The following EXD1 variants were observed in gnomAD, a reference collection of about 807,000 sequenced individuals.
EXD1 encodes piRNA biogenesis protein EXD1.
EXD1 carries 63 observed loss-of-function variants against 49.1 expected under a neutral mutation model. That is an observed-to-expected ratio of 1.28 (90% CI 1.05 to 1.58). EXD1 has a LOEUF of 1.58. Ranked by LOEUF, EXD1 falls within the 40% of genes most tolerant of loss-of-function variation. The pLI is 0.00. For synonymous variants in EXD1, 234 were observed against 239.2 expected (o/e 0.98, Z 0.20); for missense variants, 748 against 666.0 (o/e 1.12, Z -1.36).
chr15:41,230,138 C>T (rs904674281), intron 1 of EXD1, among the ~76,000 whole-genome samples: 4 of 143,302 alleles, frequency 2.8e-5, no homozygotes, highest in Admixed American at 1.5e-4. Context: ...GGCTGGAGAG[C>T]AATGCCGCGA....
At chr15:41,223,354 A>G (rs1471356366) in intron 2 of EXD1, among the ~76,000 whole-genome samples, 1 of 152,042 alleles carries the variant, frequency 6.6e-6, no homozygotes, top group Non-Finnish European at 1.5e-5. Flanking sequence ...CAGGAGGTCA[A>G]GGTTGCAATG....
chr15:41,212,195 G>C (rs915665030), intron 6 of EXD1, among the ~76,000 whole-genome samples: 1 of 151,908 alleles, frequency 6.6e-6, no homozygotes, highest in African/African-American at 2.4e-5. Flanking sequence ...CACGCCTGTA[G>C]TCCCAGCACT....
chr15:41,211,795 TAAA>T (rs57945609), intron 6 of EXD1, among the ~76,000 whole-genome samples: 3 of 119,604 alleles, frequency 2.5e-5, no homozygotes, highest in African/African-American at 6.8e-5. Context: ...CCTCATTTCT[TAAA>T]AAAAAAAAAA....
At chr15:41,228,120 A>G (rs967974247) in intron 1 of EXD1, among the ~76,000 whole-genome samples, 1 of 152,202 alleles carries the variant, frequency 6.6e-6, no homozygotes, top group African/African-American at 2.4e-5. Context: ...ATTTTTTAAA[A>G]GTTAATTTAG....
At chr15:41,207,934 C>CTG in intron 7 of EXD1, among the ~76,000 whole-genome samples, 1 of 151,138 alleles carries the variant, frequency 6.6e-6, no homozygotes, top group East Asian at 2.0e-4. Flanking sequence ...TTGCTTGAAC[C>CTG]TGGGAGGCGG....
chr15:41,202,321 A>G (rs2046745978), intron 7 of EXD1, among the ~76,000 whole-genome samples: 1 of 151,732 alleles, frequency 6.6e-6, no homozygotes, highest in Non-Finnish European at 1.5e-5. Context: ...ATTAATAGGC[A>G]CTTGCCACCA....
At position 41,226,569 on chromosome 15, in the gene EXD1, GGTCCATGCTA is replaced by G. The variant is rs1212018736; in HGVS notation, c.-4_6del. The G allele has an allele frequency of 2.6e-6, 4 of 1,535,152 alleles. No individual in the cohort carries two copies. In the African/African-American group the frequency reaches 5.5e-5, roughly 21 times the overall value. ...CTGAGGAAATGGTAGTCACTGCTGG[GGTCCATGCTA>G]ATTGATTCCAAAAGCCGTCTTCAAA... is the stretch of plus-strand genomic sequence containing the variant. On this transcript the variant is annotated start_lost and 5_prime_UTR_variant, in exon 2 of 12. Transcript: ENST00000458580.
intron 1 of EXD1, among the ~76,000 whole-genome samples, chr15:41,228,326 C>T (rs909461275): frequency 1.3e-5 from 2 of 152,168 alleles, no homozygotes; most frequent in African/African-American, 2.4e-5. Context: ...ATGTTACATA[C>T]AATTTTCGGT....
rs1337118076 is a variant in EXD1 at position 41,217,110 on chromosome 15, C to G, written c.247G>C (p.Ala83Pro). ...ATTCCTTCTTACCTAACAGAAGATG[C>G]TTTTGCTCTCACTGAGCCTTGTTCC... The part of the protein sequence containing the change: ...EVEQGSVRAK[A>P]SSVSLHAERT... Residue 83 changes from alanine (A) to proline (P), a missense_variant, in exon 4 of 12, where the codon GCA becomes CCA. Ala to Pro is a conservative substitution (Grantham distance 27). Transcript: ENST00000458580. 1 of 1,612,268 alleles carries G rather than the reference C, an allele frequency of 6.2e-7. No individual in the cohort carries two copies. Among genetic ancestry groups the G allele is most frequent in the Admixed American group, 1.7e-5 (1 of 59,976 alleles).
At chr15:41,199,782 A>G (rs1330475755) in intron 7 of EXD1, among the ~76,000 whole-genome samples, 1 of 28,158 alleles carries the variant, frequency 3.6e-5, no homozygotes, top group Non-Finnish European at 6.9e-5. Context: ...TATGTCATAT[A>G]TTATATAATG....
intron 6 of EXD1, among the ~76,000 whole-genome samples, 166 bp downstream of exon 6, chr15:41,215,609 C>T (rs2046987843): frequency 6.6e-6 from 1 of 151,782 alleles, no homozygotes; most frequent in East Asian, 1.9e-4. Flanking sequence ...GGGTGTGAAC[C>T]TGGGAGGCGG....
At chr15:41,217,776 C>T (rs1020113565) in intron 3 of EXD1, among the ~76,000 whole-genome samples, 20 of 152,070 alleles carry the variant, frequency 1.3e-4, no homozygotes, top group Non-Finnish European at 2.2e-4. Flanking sequence ...CCTCTTGATC[C>T]GCTCGCCTCA....
chr15:41,186,470 C>CTAAAAAAAAAAA (rs568747621), intron 11 of EXD1, among the ~76,000 whole-genome samples: 1 of 68,286 alleles, frequency 1.5e-5, no homozygotes, highest in East Asian at 5.7e-4. Context: ...GACTCTGTCT[C>CTAAAAAAAAAAA]AAAAAAAAAA....
At position 41,216,676 on chromosome 15, in the gene EXD1, C is replaced by T; in HGVS notation, c.380G>A (p.Ser127Asn). The T allele has an allele frequency of 6.2e-7, 1 of 1,611,632 alleles. No homozygotes were observed. ...ATSLLNDLKY[S>N]PSEEEEVTYT... Reference sequence around the variant, plus strand: ...AGAGCCCCTATATTCACCTGATGGGCTGTACTTGAGGTCATTCAGCAGAGA... The same window carrying T: ...AGAGCCCCTATATTCACCTGATGGGTTGTACTTGAGGTCATTCAGCAGAGA... Residue 127 changes from serine to asparagine, a missense_variant, in exon 5 of 12, where the codon AGC (serine) becomes AAC (asparagine). Physicochemically the swap from Ser to Asn is conservative, Grantham distance 46. Coordinates refer to ENST00000458580, the MANE Select transcript of EXD1 (RefSeq NM_001286441.2).
chr15:41,190,172 T>G (rs1191102272), intron 10 of EXD1, 44 bp from the exon 11 acceptor site: 1 of 1,602,070 alleles, frequency 6.2e-7, no homozygotes, highest in Admixed American at 1.7e-5. Flanking sequence ...AAGCAAGACT[T>G]TAAAGAAAAT....
intron 7 of EXD1, among the ~76,000 whole-genome samples, chr15:41,207,887 T>C (rs1224411902): frequency 4.0e-5 from 6 of 151,786 alleles, no homozygotes; most frequent in Admixed American, 3.9e-4. Context: ...GGCTCATGCC[T>C]GTAATCCCAG....
chr15:41,214,145 C>T (rs1462057226), intron 6 of EXD1, among the ~76,000 whole-genome samples: 3 of 151,978 alleles, frequency 2.0e-5, no homozygotes, highest in East Asian at 1.9e-4. Context: ...CCAGCCTGGG[C>T]GAAAGAGACT....
intron 9 of EXD1, among the ~76,000 whole-genome samples, chr15:41,192,972 A>AT (rs2046552580): frequency 6.6e-6 from 1 of 151,286 alleles, no homozygotes; most frequent in Non-Finnish European, 1.5e-5. Flanking sequence ...AATTTTTTGT[A>AT]TTTTTAGTAC....
Position 41,191,515 on chromosome 15 carries a change from T to C in EXD1, c.791A>G (p.Glu264Gly), listed in dbSNP as rs746442964. Residue 264 changes from glutamate to glycine, a missense_variant, in exon 10 of 12, where the codon GAG becomes GGG. Glu to Gly is a moderately conservative substitution (Grantham distance 98). Transcript: ENST00000458580. Reference protein sequence around the residue: ...YLPNCITTLQESLIKHLQVAP... With the variant: ...YLPNCITTLQGSLIKHLQVAP... The stretch of plus-strand genomic sequence containing the variant: ...TACTTGAAGGTGTTTGATTAAACTC[T>C]CCTGCAAAGTAGTGATGCAGTTTGG... 6.8e-6 allele frequency: 11 copies of C among 1,613,886 alleles called. No homozygotes were observed. Among genetic ancestry groups the C allele is most frequent in the South Asian group, 2.2e-5 (2 of 91,078 alleles).
Sources: allele counts gnomAD v4.1 joint callset (sites outside exome capture counted in the v4.1 genomes callset), GRCh38; gene constraint gnomAD v4.1.1; transcripts MANE v1.5; gene names NCBI Gene and HGNC (gene_info 2026-07-23, HGNC 2026-07-21).